Variants in DDX59 observed in about 807,000 individuals in gnomAD.
DDX59 encodes the protein probable ATP-dependent RNA helicase DDX59.
Under a neutral mutation model 51.9 loss-of-function variants are expected in DDX59, and 30 were observed. The observed-to-expected ratio is 0.58, with a 90% CI of 0.43 to 0.78. The LOEUF is 0.78. DDX59 is among the 30% of genes least tolerant of loss of function. The pLI is 0.00. For synonymous variants in DDX59, 255 were observed against 253.3 expected, an observed-to-expected ratio of 1.01 and a Z score of -0.06; for missense variants, 672 against 730.8, an observed-to-expected ratio of 0.92 and a Z score of 0.93.
intron 2 of DDX59, among the ~76,000 whole-genome samples, chr1:200,664,746 G>A (rs978143660): frequency 1.3e-5 from 2 of 151,788 alleles, no homozygotes; most frequent in African/African-American, 4.8e-5. Context: ...CACAATCTCG[G>A]CTCACCGCAA....
At chr1:200,659,856 TTTG>T in intron 3 of DDX59, among the ~76,000 whole-genome samples, 2 of 152,200 alleles carry the variant, frequency 1.3e-5, no homozygotes, top group South Asian at 4.2e-4. Context: ...TGGCTAATTT[TTTG>T]TTTTTTTGCA....
rs775660101 is a variant in DDX59, at chr1:200,644,445, A to G, written c.1669T>C (p.Phe557Leu). 1 of 1,612,950 alleles carries G rather than the reference A, an allele frequency of 6.2e-7. No individual in the cohort carries two copies. The highest frequency in any genetic ancestry group is 1.1e-5 in the South Asian group (1 of 90,748). Residue 557 changes from phenylalanine to leucine, a missense_variant, in exon 8 of 8, where the codon TTC (phenylalanine) becomes CTC (leucine). By Grantham distance (22) the Phe-to-Leu change is conservative. Transcript: ENST00000331314. ...TFINNNSKRL[F>L]WDIAKRVKPT... ...TTTACTCGTTTTGCAATATCCCAGA[A>G]GAGTCTTTTTGAATTATTATTGATG...
intron 7 of DDX59, among the ~76,000 whole-genome samples, 164 bp from the exon 8 acceptor site, chr1:200,644,681 G>A (rs1309982768): frequency 6.6e-6 from 1 of 152,128 alleles, no homozygotes; most frequent in Non-Finnish European, 1.5e-5. Flanking sequence ...GATCACCTGA[G>A]GTCAGGAGTT....
chr1:200,657,044 A>AT (rs1362206888), intron 4 of DDX59, among the ~76,000 whole-genome samples: 1 of 151,948 alleles, frequency 6.6e-6, no homozygotes, highest in Non-Finnish European at 1.5e-5. Context: ...GAGGCCAGGA[A>AT]TTTGAGACCA....
At chr1:200,652,454 C>T (rs1661728047) in intron 4 of DDX59, among the ~76,000 whole-genome samples, 1 of 151,872 alleles carries the variant, frequency 6.6e-6, no homozygotes, top group South Asian at 2.1e-4. Context: ...GCTTACTGTG[C>T]AACCTCCTGG....
At chr1:200,650,164 G>A (rs1033719927) in intron 5 of DDX59, among the ~76,000 whole-genome samples, 3 of 152,066 alleles carry the variant, frequency 2.0e-5, no homozygotes, top group African/African-American at 7.2e-5. Flanking sequence ...ATTTTCAAAG[G>A]AGAACATATT....
chr1:200,643,686 G>C (rs913980270), downstream of DDX59, among the ~76,000 whole-genome samples: 1 of 151,992 alleles, frequency 6.6e-6, no homozygotes, highest in Non-Finnish European at 1.5e-5. Flanking sequence ...CCTATTAATT[G>C]AATTAGCAGG....
intron 4 of DDX59, among the ~76,000 whole-genome samples, chr1:200,656,561 T>C (rs1433956431): frequency 6.6e-6 from 1 of 152,226 alleles, no homozygotes; most frequent in Non-Finnish European, 1.5e-5. Context: ...ACTGATTATG[T>C]TTACCAGCTC....
rs1028392654 is a variant in DDX59, at chr1:200,648,553, T to C, written c.1482A>G (p.Gly494=). The C allele has an allele frequency of 1.9e-6, 3 of 1,612,194 alleles. No homozygotes were observed. Among genetic ancestry groups the C allele is most frequent in the African/African-American group, 2.7e-5 (2 of 74,858 alleles). Residue 494 remains glycine (G), a synonymous_variant, in exon 7 of 8, where the codon GGA becomes GGG. Transcript: ENST00000331314. ...CTGTGCTCACTACAACTTCATAGTC[T>C]CCTTCAAGTAATCCCTTTCCAAAAA... ...RKNILKGLLE[G]DYEVVVSTGV... is the part of the protein sequence containing the mutation.
At chr1:200,655,853 G>A (rs536442817) in intron 4 of DDX59, among the ~76,000 whole-genome samples, 85 of 149,448 alleles carry the variant, frequency 5.7e-4, no homozygotes, top group African/African-American at 1.9e-3. Context: ...TTTTTGAGAC[G>A]GAGTTTCACT....
At chr1:200,649,865 CAG>C (rs1661541735) in intron 5 of DDX59, among the ~76,000 whole-genome samples, 2 of 143,552 alleles carry the variant, frequency 1.4e-5, no homozygotes, top group East Asian at 2.0e-4. Flanking sequence ...TTTTTTGAGA[CAG>C]AGTCTCGCTC....
intron 4 of DDX59, chr1:200,654,940 G>C (rs1330511047): frequency 6.6e-6 from 1 of 152,286 alleles, no homozygotes; most frequent in East Asian, 1.9e-4. Context: ...CCACAAGCCA[G>C]GCCCTTAGCC....
chr1:200,650,905 G>A (rs1661618700), intron 4 of DDX59, among the ~76,000 whole-genome samples: 1 of 152,036 alleles, frequency 6.6e-6, no homozygotes, highest in Admixed American at 6.6e-5. Flanking sequence ...ATTAATAGTA[G>A]CAAAAAGCTA....
At chr1:200,649,873 C>T (rs1169225396) in intron 5 of DDX59, among the ~76,000 whole-genome samples, 3 of 147,196 alleles carry the variant, frequency 2.0e-5, no homozygotes, top group Non-Finnish European at 3.0e-5. Context: ...GACAGAGTCT[C>T]GCTCTGTCAC....
At chr1:200,662,513 G>A (rs1438663451) in intron 3 of DDX59, among the ~76,000 whole-genome samples, 1 of 152,104 alleles carries the variant, frequency 6.6e-6, no homozygotes, top group Non-Finnish European at 1.5e-5. Context: ...AAACTTAGCT[G>A]GGCATGGTGG....
chr1:200,662,883 G>C (rs1373731287), intron 3 of DDX59, among the ~76,000 whole-genome samples: 1 of 152,116 alleles, frequency 6.6e-6, no homozygotes, highest in African/African-American at 2.4e-5. Flanking sequence ...ATATACTGCT[G>C]AACTTATAAT....
chr1:200,656,743 G>A (rs1348643777), intron 4 of DDX59, among the ~76,000 whole-genome samples: 2 of 152,176 alleles, frequency 1.3e-5, no homozygotes, highest in Non-Finnish European at 2.9e-5. Flanking sequence ...GGAAGAAAAT[G>A]AAAATGCTGT....
Position 200,666,015 on chromosome 1 carries a change from G to A in DDX59, c.726C>T (p.Asp242=), listed in dbSNP as rs535475262. The change falls in exon 2 of 8, where the codon GAC becomes GAT. Residue 242 remains aspartate, a synonymous_variant. Coordinates refer to ENST00000331314, the MANE Select transcript of DDX59 (RefSeq NM_001031725.6). Reference sequence around the variant, plus strand: ...AGCCAGTATCTGCACTGGCCAGAATGTCTCTTCCCAGAAGTCCCACAGGAA... The same window carrying A: ...AGCCAGTATCTGCACTGGCCAGAATATCTCTTCCCAGAAGTCCCACAGGAA... ...QMIPVGLLGR[D]ILASADTGSG... 1 of 1,614,196 alleles carries A rather than the reference G, an allele frequency of 6.2e-7. No individual in the cohort carries two copies. Among genetic ancestry groups the A allele is most frequent in the Non-Finnish European group, 8.5e-7 (1 of 1,180,030 alleles).
intron 1 of DDX59, among the ~76,000 whole-genome samples, chr1:200,667,360 C>A (rs1662838659): frequency 6.6e-6 from 1 of 152,210 alleles, no homozygotes; most frequent in South Asian, 2.1e-4. Context: ...TAAGACCTCA[C>A]CATTGCACTC....
Sources: allele counts gnomAD v4.1 joint callset (sites outside exome capture counted in the v4.1 genomes callset), GRCh38; gene constraint gnomAD v4.1.1; transcripts MANE v1.5; gene names NCBI Gene and HGNC (gene_info 2026-07-23, HGNC 2026-07-21).